AGO3: variants seen among roughly 807,000 people sequenced by gnomAD.
AGO3 encodes protein argonaute-3.
AGO3 carries 16 observed loss-of-function variants against 105.5 expected under a neutral mutation model. That is an observed-to-expected ratio of 0.15 (90% CI 0.10 to 0.23). The LOEUF (loss-of-function observed/expected upper bound fraction) is 0.23. AGO3 is among the 10% of genes least tolerant of loss of function. The pLI, the probability that AGO3 is intolerant of heterozygous loss-of-function variation, is 1.00. For synonymous variants in AGO3, 340 were observed against 367.3 expected, an observed-to-expected ratio of 0.93 and a Z score of 0.85; for missense variants, 534 against 1,088.0, an observed-to-expected ratio of 0.49 and a Z score of 7.16.
At chr1:35,972,383 G>A (rs1646884729) in intron 4 of AGO3, 151 bp downstream of exon 4, 1 of 931,086 alleles carries the variant, frequency 1.1e-6, no homozygotes, top group Non-Finnish European at 1.6e-6. Flanking sequence ...TTCATTGACA[G>A]GAGTACGTTA....
chr1:35,971,598 C>A (rs1237226521), intron 3 of AGO3, among the ~76,000 whole-genome samples: 1 of 151,602 alleles, frequency 6.6e-6, no homozygotes, highest in Non-Finnish European at 1.5e-5. Flanking sequence ...TAACTAGTTT[C>A]TTTGTTTCTG....
At chr1:35,995,658 T>C (rs1466782058) in intron 5 of AGO3, among the ~76,000 whole-genome samples, 1 of 152,138 alleles carries the variant, frequency 6.6e-6, no homozygotes, top group African/African-American at 2.4e-5. Context: ...GGGGAAAATA[T>C]TCATGATCTT....
intron 3 of AGO3, among the ~76,000 whole-genome samples, chr1:35,971,094 T>C (rs985457786): frequency 2.7e-5 from 4 of 146,816 alleles, no homozygotes; most frequent in Admixed American, 6.8e-5. Context: ...ATTTATATTA[T>C]AAATTATAAA....
rs755341937 is a variant in AGO3, at chr1:36,008,800, G to A, written c.881+23G>A. On this transcript the variant is annotated intron_variant, in intron 7 of 18. Coordinates refer to ENST00000373191, the MANE Select transcript of AGO3 (RefSeq NM_024852.4). This position sits in a 1 kb window ranked among gnomAD's most constrained non-coding sequence, Gnocchi z 5.1. Reference sequence around the variant, plus strand: ...AACGTAAGAAAAGTTTGTCAGAGCAGCGATGGTGTGAGGCAGCTTGCTCTA... The same window carrying A: ...AACGTAAGAAAAGTTTGTCAGAGCAACGATGGTGTGAGGCAGCTTGCTCTA... 3.4e-5 allele frequency: 55 copies of A among 1,613,954 alleles called. No homozygotes were observed. In the Admixed American group the frequency reaches 7.2e-4, roughly 21 times the overall value.
chr1:35,998,573 A>G (rs1023525220), intron 5 of AGO3, among the ~76,000 whole-genome samples: 28 of 152,078 alleles, frequency 1.8e-4, no homozygotes, highest in African/African-American at 6.8e-4. Flanking sequence ...TGTTACCCTT[A>G]AAGTTTTTTC....
At chr1:35,965,489 C>CAAAAAAA (rs1171759827) in intron 2 of AGO3, among the ~76,000 whole-genome samples, 1 of 87,444 alleles carries the variant, frequency 1.1e-5, no homozygotes, top group Non-Finnish European at 2.4e-5. Context: ...GACGCTGTCT[C>CAAAAAAA]AAAAAAAAAA....
chr1:35,992,344 A>G (rs764418129), intron 5 of AGO3: 14 of 152,190 alleles, frequency 9.2e-5, no homozygotes, highest in Non-Finnish European at 1.3e-4. Flanking sequence ...CTGTTCATCA[A>G]TGTGAGCTAG....
intron 3 of AGO3, among the ~76,000 whole-genome samples, chr1:35,967,333 G>T (rs1385923052): frequency 6.6e-6 from 1 of 151,458 alleles, no homozygotes; most frequent in African/African-American, 2.4e-5. Context: ...TTTCTCTCTT[G>T]TACATACATA....
At chr1:36,014,198 A>G in intron 11 of AGO3, 150 bp downstream of exon 11, 21 of 1,054,752 alleles carry the variant, frequency 2.0e-5, no homozygotes, top group Non-Finnish European at 2.8e-5. Flanking sequence ...TCACTCTGTC[A>G]CCCAGGCTGA....
intron 6 of AGO3, 103 bp downstream of exon 6, chr1:36,004,578 C>T (rs1412054640): frequency 7.9e-6 from 8 of 1,007,474 alleles, no homozygotes; most frequent in Non-Finnish European, 9.3e-6. Flanking sequence ...TGTAACATAA[C>T]CAGTAAAACT....
At chr1:36,020,024 G>A (rs1395014937) in intron 11 of AGO3, among the ~76,000 whole-genome samples, 3 of 152,100 alleles carry the variant, frequency 2.0e-5, no homozygotes, top group African/African-American at 7.2e-5. Flanking sequence ...AGCCCACCTT[G>A]GCCTCCCAAA....
chr1:36,004,014 A>G (rs1057286832), intron 5 of AGO3: 125 of 176,276 alleles, frequency 7.1e-4, no homozygotes, highest in Middle Eastern at 2.4e-3. Flanking sequence ...AAAAGAAATA[A>G]TACCTAACCA....
chr1:36,021,539 C>T (rs1220178250), intron 11 of AGO3, among the ~76,000 whole-genome samples: 2 of 152,050 alleles, frequency 1.3e-5, no homozygotes, highest in Non-Finnish European at 1.5e-5. Context: ...CACTGTTTCT[C>T]ATGTAATTTT....
intron 5 of AGO3, among the ~76,000 whole-genome samples, chr1:36,001,740 T>C (rs978759547): frequency 1.3e-5 from 2 of 152,230 alleles, no homozygotes; most frequent in African/African-American, 4.8e-5. Flanking sequence ...ATTTTTGTTT[T>C]TTTAATCACC....
intron 1 of AGO3, among the ~76,000 whole-genome samples, chr1:35,937,559 C>T (rs188692196): frequency 4.9e-4 from 68 of 138,892 alleles, no homozygotes; most frequent in African/African-American, 1.9e-3. Context: ...GGCATGGTGG[C>T]GTACACCTGT....
chr1:35,937,547 T>G (rs1468723882), intron 1 of AGO3, among the ~76,000 whole-genome samples: 1 of 146,870 alleles, frequency 6.8e-6, no homozygotes, highest in African/African-American at 2.6e-5. Flanking sequence ...AAAAATTAGC[T>G]GGGCATGGTG....
intron 2 of AGO3, among the ~76,000 whole-genome samples, chr1:35,957,414 A>G (rs973013789): frequency 5.9e-5 from 9 of 151,942 alleles, no homozygotes; most frequent in Non-Finnish European, 8.8e-5. Context: ...AATGACTACA[A>G]ACATAGTGTA....
chr1:35,938,076 G>A (rs545195054), intron 1 of AGO3, among the ~76,000 whole-genome samples: 1 of 151,592 alleles, frequency 6.6e-6, no homozygotes, highest in Admixed American at 6.6e-5. Context: ...CGCCTCCTGG[G>A]CTCAAGCAAT....
Position 35,990,499 on chromosome 1 carries a change from A to G in AGO3, c.659-13842A>G, listed in dbSNP as rs774852740. On this transcript the variant is annotated intron_variant, in intron 5 of 18. Transcript: ENST00000373191. The stretch of plus-strand genomic sequence containing the variant: ...TTCCAGTCTGGGCGACAGAGACTCC[A>G]TCTCAAAAACAAAAAATTTTATTTT... 1.1e-4 allele frequency among the ~76,000 whole-genome samples: 16 copies of G among 152,298 alleles called. 1 individual carries two copies. Among genetic ancestry groups the G allele is most frequent in the African/African-American group, 3.1e-4 (13 of 41,570 alleles).
Sources: allele counts gnomAD v4.1 joint callset (sites outside exome capture counted in the v4.1 genomes callset), GRCh38; gene constraint gnomAD v4.1.1; non-coding constraint Gnocchi (gnomAD v3.1); transcripts MANE v1.5; gene names NCBI Gene and HGNC (gene_info 2026-07-23, HGNC 2026-07-21).